Variants in PFAS observed in about 807,000 individuals in gnomAD.
PFAS encodes the protein FGAM synthase.
PFAS carries 97 observed loss-of-function variants against 140.6 expected under a neutral mutation model. The ratio of observed to expected loss-of-function variants is 0.69; its 90% CI spans 0.59 to 0.82. PFAS has a LOEUF of 0.82. Among genes scored for constraint, PFAS ranks in the 40% least tolerant of loss-of-function variants. The pLI is 0.00. For missense variants in PFAS, 1,656 were observed against 1,780.2 expected, an observed-to-expected ratio of 0.93 and a Z score of 1.26; for synonymous variants, 679 against 718.8, an observed-to-expected ratio of 0.94 and a Z score of 0.88.
upstream of PFAS, chr17:8,248,118 C>T: frequency 9.8e-7 from 1 of 1,018,790 alleles, no homozygotes; most frequent in African/African-American, 1.6e-5. Flanking sequence ...TCGGTGACGT[C>T]ACCGGTGAGC....
At position 8,266,657 on chromosome 17, in the gene PFAS, T is replaced by C; in HGVS notation, c.2822-96T>C. ...ACCCTACTCTCTGGCTGCATCCCTC[T>C]GACCCTCACCCTGGCCCTTCCTGCA... On this transcript the variant is annotated intron_variant, in intron 22 of 27. Transcript: ENST00000314666. This position sits in a 1 kb window ranked among gnomAD's most constrained non-coding sequence, Gnocchi z 5.0. 1 of 1,521,458 alleles carries C rather than the reference T, an allele frequency of 6.6e-7. No homozygotes were observed. Among genetic ancestry groups the C allele is most frequent in the South Asian group, 1.3e-5 (1 of 76,482 alleles). 94.2% of individuals were successfully genotyped at this position (1,521,458 alleles called of 1,614,324 possible).
intron 11 of PFAS, among the ~76,000 whole-genome samples, chr17:8,261,242 T>C (rs940208922): frequency 1.2e-4 from 19 of 152,052 alleles, no homozygotes; most frequent in Admixed American, 1.1e-3. Context: ...TTTCTTTCTT[T>C]TTTTTTTTTG....
rs752235279 is a variant in PFAS at position 8,258,079 on chromosome 17, C to G, written c.1216C>G (p.Arg406Gly). 6.2e-7 allele frequency: 1 copy of G among 1,613,988 alleles called. No homozygotes were observed. Among genetic ancestry groups the G allele is most frequent in the Admixed American group, 1.7e-5 (1 of 59,994 alleles). Residue 406 changes from arginine to glycine, a missense_variant, in exon 11 of 28, where the codon CGC (arginine) becomes GGC (glycine). Arg to Gly is a moderately radical substitution (Grantham distance 125, BLOSUM62 -2). Around this residue, in one of 2 missense-constraint regions of PFAS, gnomAD observed 773 missense variants for 757.3 expected, o/e 1.02. Coordinates refer to ENST00000314666, the MANE Select transcript of PFAS (RefSeq NM_012393.3). ...TGATGTTCACACTCCAGGCTTCGCC[C>G]GCTCCTTGGGCCTCCAGCTCCCAGA... is the stretch of plus-strand genomic sequence containing the variant. ...FGEPVLAGFA[R>G]SLGLQLPDGQ... is the part of the protein sequence containing the mutation.
At chr17:8,251,668 CTTT>C (rs71159571) in intron 1 of PFAS, among the ~76,000 whole-genome samples, 20 of 84,318 alleles carry the variant, frequency 2.4e-4, no homozygotes, top group East Asian at 3.3e-4. Context: ...TTAAGCAATT[CTTT>C]TTTTTTTTTT....
In PFAS at chr17:8,267,490, G is replaced by A. The variant is rs76920549; in HGVS notation, c.3267+27G>A. 4.5e-4 allele frequency: 726 copies of A among 1,600,578 alleles called. 2 individuals are homozygous for A. In the African/African-American group the frequency reaches 8.0e-3, roughly 18 times the overall value. ...TGAGCAGGGTAGGGGGCAGCTGGGGGTGATTGTCCAGCCTCAGCTGCGTGT... is the reference window on the plus strand; with the variant it reads ...TGAGCAGGGTAGGGGGCAGCTGGGGATGATTGTCCAGCCTCAGCTGCGTGT... On this transcript the variant is annotated intron_variant, in intron 25 of 27. Transcript: ENST00000314666. The surrounding 1 kb of genome is among the most constrained non-coding windows in gnomAD (Gnocchi z 4.9).
Position 8,267,932 on chromosome 17 carries a change from ATG to A in PFAS, c.3382+269_3382+270del, listed in dbSNP as rs1208452624. Among the ~76,000 whole-genome samples, 4 of 144,940 alleles carry A rather than the reference ATG, an allele frequency of 2.8e-5. No individual in the cohort carries two copies. The highest frequency in any genetic ancestry group is 1.0e-4 in the African/African-American group (4 of 39,848). On this transcript the variant is annotated intron_variant, in intron 26 of 27. Transcript: ENST00000314666. The surrounding 1 kb of genome is among the most constrained non-coding windows in gnomAD (Gnocchi z 4.9). The stretch of plus-strand genomic sequence containing the variant: ...TATATATTATTTATATATTATTAAA[ATG>A]TATATTATTTATATATTATTAAAAT...
chr17:8,257,759 T>C (rs965063579), intron 9 of PFAS, 48 bp from the exon 10 acceptor site: 20 of 1,608,138 alleles, frequency 1.2e-5, no homozygotes, highest in Non-Finnish European at 1.7e-5. Context: ...CTCCGGCCTG[T>C]CTTCACAGTT....
chr17:8,266,889 C>T lies in PFAS; in HGVS notation c.2958C>T (p.Pro986=). The change falls in exon 23 of 28, where the codon CCC becomes CCT. Residue 986 remains proline, a synonymous_variant. Transcript: ENST00000314666. The surrounding 1 kb of genome is among the most constrained non-coding windows in gnomAD (Gnocchi z 5.0). ...TGGGCCACACAGGCGAGGCCGGGCC[C>T]CACGCCATGGTGAGGAAGTGAGGGA... ...LELGHTGEAG[P]HAMVRVSVNG... The T allele has an allele frequency of 6.2e-7, 1 of 1,603,334 alleles. No homozygotes were observed. Among genetic ancestry groups the T allele is most frequent in the African/African-American group, 1.3e-5 (1 of 75,034 alleles).
At chr17:8,268,113 G>A (rs1400952337) in intron 26 of PFAS, among the ~76,000 whole-genome samples, 3 of 145,104 alleles carry the variant, frequency 2.1e-5, no homozygotes, top group African/African-American at 7.5e-5. Context: ...CCAGGCTGGA[G>A]TGCAATGGCG....
chr17:8,253,278 G>C (rs922436063), intron 1 of PFAS, among the ~76,000 whole-genome samples: 5 of 152,222 alleles, frequency 3.3e-5, no homozygotes, highest in Middle Eastern at 6.8e-3. Flanking sequence ...GATTCACAGC[G>C]GTGTTTCTAA....
At chr17:8,257,004 T>C in intron 9 of PFAS, 41 bp downstream of exon 9, 1 of 1,609,614 alleles carries the variant, frequency 6.2e-7, no homozygotes, top group Middle Eastern at 1.7e-4. Context: ...CCTTCCAGAT[T>C]CCTTGTCCTG....
rs148809668 is a variant in PFAS, at chr17:8,263,879, C to G, written c.1734C>G (p.Val578=). Residue 578 remains valine, a synonymous_variant, in exon 15 of 28, where the codon GTC becomes GTG. Transcript: ENST00000314666. ...RSPNRDFLTH[V]SARERCPACF... ...CCAACCGGGACTTCCTGACTCATGT[C>G]AGTGCCCGTGAACGTTGCCCGGCTT... 7 of 1,614,114 alleles carry G rather than the reference C, an allele frequency of 4.3e-6. No homozygotes were observed. In the Admixed American group the frequency reaches 1.0e-4, roughly 23 times the overall value.
At position 8,257,878 on chromosome 17, in the gene PFAS, A is replaced by G. The variant is rs201033231; in HGVS notation, c.1147A>G (p.Ile383Val). The change falls in exon 10 of 28, where the codon ATT becomes GTT. Residue 383 changes from isoleucine to valine, a missense_variant. Transcript: ENST00000314666. Reference sequence around the variant, plus strand: ...TTTTGCCCGGCCCCTGGAGGTTGCCATTGAAGCCAGTAATGGAGCTTCTGA... The same window carrying G: ...TTTTGCCCGGCCCCTGGAGGTTGCCGTTGAAGCCAGTAATGGAGCTTCTGA... ...GNFARPLEVA[I>V]EASNGASDYG... The G allele has an allele frequency of 1.3e-4, 202 of 1,614,034 alleles. No homozygotes were observed. The highest frequency in any genetic ancestry group is 5.3e-4 in the Admixed American group (32 of 59,996).
rs200808097 is a variant in PFAS, at chr17:8,269,301, C to T, written c.*37C>T. On this transcript the variant is annotated 3_prime_UTR_variant, in exon 28 of 28. Transcript: ENST00000314666. ...GGCTCACCTGGGCCCCATGGCTTTTCACCTAAGTGGGTCCTGCCCCCTCCC... is the reference window on the plus strand; with the variant it reads ...GGCTCACCTGGGCCCCATGGCTTTTTACCTAAGTGGGTCCTGCCCCCTCCC... 6.3e-4 allele frequency: 937 copies of T among 1,492,786 alleles called. No homozygotes were observed. Among genetic ancestry groups the T allele is most frequent in the Non-Finnish European group, 8.2e-4 (899 of 1,093,208 alleles). 92.5% of individuals were successfully genotyped at this position (1,492,786 alleles called of 1,614,324 possible).
chr17:8,255,925 G>C lies in PFAS; in HGVS notation c.680+15G>C. On this transcript the variant is annotated intron_variant, in intron 6 of 27. Transcript: ENST00000314666. ...CAGTCCAATAGGTGAGGAGAAATGG[G>C]GTTGTTCCCATACCTGAGCCCATGG... 2 of 1,570,534 alleles carry C rather than the reference G, an allele frequency of 1.3e-6. No individual in the cohort carries two copies. The highest frequency in any genetic ancestry group is 1.8e-6 in the Non-Finnish European group (2 of 1,140,262).
In PFAS at chr17:8,266,977, G is replaced by A; in HGVS notation, c.2968-51G>A. 1 of 1,607,490 alleles carries A rather than the reference G, an allele frequency of 6.2e-7. No homozygotes were observed. Among genetic ancestry groups the A allele is most frequent in the Non-Finnish European group, 8.5e-7 (1 of 1,177,754 alleles). On this transcript the variant is annotated intron_variant, in intron 23 of 27. Transcript: ENST00000314666. This position sits in a 1 kb window ranked among gnomAD's most constrained non-coding sequence, Gnocchi z 5.0. ...CGCGGTCCATCCCTCTCCCACTGTGGAGGGGGCCATCCTTTCTCCTAGCCC... is the reference window on the plus strand; with the variant it reads ...CGCGGTCCATCCCTCTCCCACTGTGAAGGGGGCCATCCTTTCTCCTAGCCC...
intron 4 of PFAS, 142 bp from the exon 5 acceptor site, chr17:8,255,360 G>T (rs1989317235): frequency 7.2e-6 from 5 of 694,552 alleles, no homozygotes; most frequent in Non-Finnish European, 1.2e-5. Flanking sequence ...CCTGGAAAGG[G>T]CGTCTTTTTG....
Position 8,266,634 on chromosome 17 carries a change from C to T in PFAS, c.2822-119C>T. On this transcript the variant is annotated intron_variant, in intron 22 of 27. Coordinates refer to ENST00000314666, the MANE Select transcript of PFAS (RefSeq NM_012393.3). The surrounding 1 kb of genome is among the most constrained non-coding windows in gnomAD (Gnocchi z 5.0). ...AGCCCTCATCCTCCCTGATCCCTAC[C>T]CTACTCTCTGGCTGCATCCCTCTGA... The T allele has an allele frequency of 1.3e-6, 2 of 1,506,506 alleles. No homozygotes were observed. The highest frequency in any genetic ancestry group is 1.8e-6 in the Non-Finnish European group (2 of 1,134,950). 93.3% of individuals were successfully genotyped at this position (1,506,506 alleles called of 1,614,324 possible).
In PFAS at chr17:8,268,781, G is replaced by T; in HGVS notation, c.3631G>T (p.Val1211Leu). 6.2e-7 allele frequency: 1 copy of T among 1,609,774 alleles called. No individual in the cohort carries two copies. Among genetic ancestry groups the T allele is most frequent in the Non-Finnish European group, 8.5e-7 (1 of 1,179,812 alleles). Residue 1211 changes from valine (V) to leucine (L), a missense_variant, in exon 27 of 28, where the codon GTG (valine) becomes TTG (leucine). Coordinates refer to ENST00000314666, the MANE Select transcript of PFAS (RefSeq NM_012393.3). ...CGAGTCTCGCTGGGCCAGCGTGCGT[G>T]TGGGGCCTGGGCCAGCCCTGATGCT... ...RYESRWASVR[V>L]GPGPALMLRG... is the part of the protein sequence containing the mutation.
Sources: gnomAD v4.1 joint callset for allele counts (sites outside exome capture counted in the v4.1 genomes callset) on GRCh38, gnomAD v4.1.1 for gene constraint, gnomAD v4.1.1 regional missense constraint, Gnocchi (gnomAD v3.1) non-coding constraint, MANE v1.5 for transcripts, NCBI Gene and HGNC (gene_info 2026-07-23, HGNC 2026-07-21) for gene names.